Variants in EYA2 observed in about 807,000 individuals in gnomAD.
EYA2 encodes the protein EYA transcriptional coactivator and phosphatase 2, also known as protein phosphatase EYA2.
Under a neutral mutation model 69.2 loss-of-function variants are expected in EYA2, and 31 were observed. The observed-to-expected ratio is 0.45, with a 90% CI of 0.34 to 0.60. The LOEUF (loss-of-function observed/expected upper bound fraction) is 0.60. Among genes scored for constraint, EYA2 ranks in the 20% least tolerant of loss-of-function variants. The pLI is 0.02. For synonymous variants in EYA2, 257 were observed against 279.4 expected, an observed-to-expected ratio of 0.92 and a Z score of 0.80; for missense variants, 622 against 701.2, an observed-to-expected ratio of 0.89 and a Z score of 1.28.
chr20:47,132,187 G>A (rs924334556), intron 9 of EYA2, among the ~76,000 whole-genome samples: 4 of 152,096 alleles, frequency 2.6e-5, no homozygotes, highest in East Asian at 1.9e-4. Flanking sequence ...GGGCTCAAGC[G>A]ATCCTCCTGC....
chr20:47,169,527 C>T (rs2034276845), intron 11 of EYA2, among the ~76,000 whole-genome samples: 1 of 152,100 alleles, frequency 6.6e-6, no homozygotes, highest in Admixed American at 6.6e-5. Flanking sequence ...AAATCACAAC[C>T]TCACCCCTCA....
chr20:47,160,468 T>C (rs1324398728), intron 10 of EYA2, among the ~76,000 whole-genome samples: 1 of 152,110 alleles, frequency 6.6e-6, no homozygotes. Flanking sequence ...TGGGAGATGA[T>C]GGTGGTTTGG....
intron 9 of EYA2, among the ~76,000 whole-genome samples, chr20:47,119,950 G>A (rs2033001559): frequency 6.6e-6 from 1 of 152,150 alleles, no homozygotes; most frequent in African/African-American, 2.4e-5. Context: ...GCTCATGCCT[G>A]TAATCCCAGC....
intron 5 of EYA2, among the ~76,000 whole-genome samples, chr20:47,022,910 T>C (rs932735002): frequency 3.3e-4 from 51 of 152,250 alleles, no homozygotes; most frequent in Non-Finnish European, 5.9e-5. Context: ...TTAGTGTTTT[T>C]AGTATATTCA....
intron 1 of EYA2, among the ~76,000 whole-genome samples, chr20:46,896,649 G>T (rs1275019232): frequency 1.3e-5 from 2 of 152,028 alleles, no homozygotes; most frequent in South Asian, 4.1e-4. Flanking sequence ...TTTGAATCTT[G>T]CTTTTGACTA....
At chr20:46,913,727 C>A (rs907952009) in intron 1 of EYA2, among the ~76,000 whole-genome samples, 1 of 152,040 alleles carries the variant, frequency 6.6e-6, no homozygotes, top group African/African-American at 2.4e-5. Context: ...GAGAGGAGTC[C>A]AAGGTGACTC....
chr20:47,095,355 G>C (rs2032217329), intron 8 of EYA2, among the ~76,000 whole-genome samples: 1 of 151,998 alleles, frequency 6.6e-6, no homozygotes, highest in Non-Finnish European at 1.5e-5. Context: ...AACCCAAAAG[G>C]TTTGATTTGA....
At chr20:47,084,878 C>G (rs181480130) in intron 7 of EYA2, among the ~76,000 whole-genome samples, 189 of 149,126 alleles carry the variant, frequency 1.3e-3, no homozygotes, top group Non-Finnish European at 2.0e-3. Context: ...CTCTGTTACC[C>G]AGGCTGGAGT....
At chr20:47,121,038 T>G (rs79613242) in intron 9 of EYA2, among the ~76,000 whole-genome samples, 3,462 of 152,276 alleles carry the variant, frequency 0.023, 121 homozygotes, top group African/African-American at 0.077. Context: ...TGCAGTTCTT[T>G]TTTGTTTTCT....
At chr20:46,978,555 G>A in intron 1 of EYA2, 1 of 534,768 alleles carries the variant, frequency 1.9e-6, no homozygotes, top group Non-Finnish European at 3.8e-6. Context: ...ACAAGGAGAA[G>A]CCAGATCAAG....
At chr20:47,163,133 G>T (rs567897609) in intron 10 of EYA2, among the ~76,000 whole-genome samples, 2 of 151,596 alleles carry the variant, frequency 1.3e-5, no homozygotes, top group South Asian at 4.2e-4. Flanking sequence ...GGGCTCAAGC[G>T]ATCCTCCTTT....
chr20:47,024,718 A>G (rs1177223431), intron 5 of EYA2, among the ~76,000 whole-genome samples: 1 of 152,316 alleles, frequency 6.6e-6, no homozygotes, highest in East Asian at 1.9e-4. Flanking sequence ...TGGGGCAATC[A>G]TACAGCTCAC....
intron 10 of EYA2, among the ~76,000 whole-genome samples, chr20:47,146,507 T>C (rs1370572448): frequency 1.3e-5 from 2 of 152,218 alleles, no homozygotes; most frequent in Non-Finnish European, 2.9e-5. Flanking sequence ...TGTTTTTATT[T>C]TCTAAATTTA....
At chr20:47,102,899 G>GATAT (rs139181262) in intron 9 of EYA2, among the ~76,000 whole-genome samples, 23,014 of 152,028 alleles carry the variant, frequency 0.15, 2,023 homozygotes, top group Admixed American at 0.27. Context: ...TTTTCCAGCT[G>GATAT]GTATTAGGCA....
chr20:47,145,413 A>G (rs976248877), intron 10 of EYA2, among the ~76,000 whole-genome samples: 1 of 152,186 alleles, frequency 6.6e-6, no homozygotes, highest in Non-Finnish European at 1.5e-5. Flanking sequence ...TGGAGGCCGA[A>G]GTGCAGGAGT....
intron 1 of EYA2, chr20:46,901,057 G>A (rs1361906833): frequency 6.6e-6 from 1 of 152,158 alleles, no homozygotes; most frequent in Non-Finnish European, 1.5e-5. Context: ...GACACAGAAA[G>A]CGGGTTTCCG....
At chr20:46,943,944 A>G (rs1986258819) in intron 1 of EYA2, among the ~76,000 whole-genome samples, 2 of 151,648 alleles carry the variant, frequency 1.3e-5, no homozygotes, top group African/African-American at 2.4e-5. Context: ...TTTCTTTCTC[A>G]TTAAAAAGAT....
Position 46,911,227 on chromosome 20 carries a change from TA to T in EYA2, c.-11+16242del, listed in dbSNP as rs1984626835. Among the ~76,000 whole-genome samples, 4 of 137,034 alleles carry T rather than the reference TA, an allele frequency of 2.9e-5. No individual in the cohort carries two copies. In the East Asian group the frequency reaches 1.0e-3, roughly 35 times the overall value. 89.9% of individuals were successfully genotyped at this position (137,034 alleles called of 152,430 possible). ...GGCACTATTAAGATTTGGAGCTGGA[TA>T]ATTTGTGTGTGTGTGTGTGTGTGTG... On this transcript the variant is annotated intron_variant, in intron 1 of 15. Transcript: ENST00000327619.
At chr20:47,165,265 A>G (rs1444061804) in intron 10 of EYA2, among the ~76,000 whole-genome samples, 1 of 152,168 alleles carries the variant, frequency 6.6e-6, no homozygotes, top group Non-Finnish European at 1.5e-5. Flanking sequence ...GAGAGGGGGT[A>G]GATTATACCT....
Sources: allele counts gnomAD v4.1 joint callset (sites outside exome capture counted in the v4.1 genomes callset), GRCh38; gene constraint gnomAD v4.1.1; transcripts MANE v1.5; gene names NCBI Gene and HGNC (gene_info 2026-07-23, HGNC 2026-07-21).